AURKB: variants seen among roughly 807,000 people sequenced by gnomAD.
The protein encoded by AURKB is aurora kinase B-Sv1.
In AURKB, 28 loss-of-function variants were observed where a neutral mutation model predicts 36.5. That is an observed-to-expected ratio of 0.77 (90% confidence interval 0.57 to 1.05). The LOEUF is 1.05. Ranked by LOEUF, AURKB falls within the 50% of genes least tolerant of loss-of-function variation. The probability of loss-of-function intolerance (pLI) is 0.00; values close to 1 mark genes in which losing one functional copy is unlikely to be tolerated. For synonymous variants in AURKB, 175 were observed against 172.9 expected (o/e 1.01, Z -0.09); for missense variants, 383 against 447.4 (o/e 0.86, Z 1.30).
intron 2 of AURKB, chr17:8,208,068 GT>G (rs1985599587): frequency 2.5e-6 from 1 of 402,804 alleles, no homozygotes. Flanking sequence ...GGCTCCCGCA[GT>G]CAGGAGTTCA....
rs1272390478 is a variant in AURKB, at chr17:8,207,792, G to T, written c.97C>A (p.Pro33Thr). The T allele has an allele frequency of 3.1e-6, 5 of 1,614,004 alleles. No individual in the cohort carries two copies. The African/African-American group carries it at 5.3e-5, about 17-fold the overall frequency. ...TLPQRVLRKE[P>T]VTPSALVLMS... ...AGGACAAGTGCAGATGGGGTGACAG[G>T]CTCTTTCCGGAGGACTCGCTGGGGC... The change falls in exon 3 of 9, where the codon CCT becomes ACT. Residue 33 changes from proline (P) to threonine (T), a missense_variant. Around this residue, in one of 3 missense-constraint regions of AURKB, gnomAD observed 105 missense variants for 95.7 expected, o/e 1.10. Transcript: ENST00000585124.
At chr17:8,210,310 T>G in intron 1 of AURKB, 61 bp from the exon 2 acceptor site, 17 of 1,149,644 alleles carry the variant, frequency 1.5e-5, no homozygotes, top group Non-Finnish European at 1.8e-5. Flanking sequence ...AGGGAGGGGT[T>G]GGACCGATCG....
chr17:8,205,193 C>A (rs759252035), intron 8 of AURKB, 23 bp downstream of exon 8: 4 of 1,596,994 alleles, frequency 2.5e-6, no homozygotes, highest in East Asian at 2.2e-5. Flanking sequence ...GCAGCTGGCA[C>A]GAAGCCCAGG....
Position 8,206,615 on chromosome 17 carries a change from G to A in AURKB, c.562C>T (p.Leu188=). The change falls in exon 7 of 9, where the codon CTA becomes TTA. Residue 188 remains leucine, a synonymous_variant. Coordinates refer to ENST00000585124, the MANE Select transcript of AURKB (RefSeq NM_004217.4). The surrounding 1 kb of genome is among the most constrained non-coding windows in gnomAD (Gnocchi z 4.2). ...ATIMEELADA[L]MYCHGKKVIH... ...ACCTTCTTCCCATGGCAGTACATTA[G>A]AGCATCTGCCAACTCCTCCATGATC... is the stretch of plus-strand genomic sequence containing the variant. 1.2e-6 allele frequency: 2 copies of A among 1,614,184 alleles called. No individual in the cohort carries two copies. The highest frequency in any genetic ancestry group is 1.7e-6 in the Non-Finnish European group (2 of 1,180,046).
Position 8,210,199 on chromosome 17 carries a change from G to T in AURKB, c.26C>A (p.Pro9His), listed in dbSNP as rs148452780. ...TACCGTCTGTCGGCCGTAGGGCCAG[G>T]GGTAGGAGTTCTCCTTCTGGGCCAT... The part of the protein sequence containing the change: MAQKENSY[P>H]WPYGRQTAPS... Residue 9 changes from proline (P) to histidine (H), a missense_variant, in exon 2 of 9, where the codon CCC (proline) becomes CAC (histidine). This residue lies in a region of AURKB where 105 missense variants were observed against 95.7 expected (regional missense o/e 1.10). Transcript: ENST00000585124. The T allele has an allele frequency of 6.2e-7, 1 of 1,611,728 alleles. No homozygotes were observed. Among genetic ancestry groups the T allele is most frequent in the African/African-American group, 1.3e-5 (1 of 75,044 alleles).
rs1432292270 is a variant in AURKB at position 8,207,340 on chromosome 17, C to T, written c.234G>A (p.Glu78=). Residue 78 remains glutamate (E), a synonymous_variant, in exon 5 of 9, where the codon GAG becomes GAA. Coordinates refer to ENST00000585124, the MANE Select transcript of AURKB (RefSeq NM_004217.4). ...TGCCTTTGCCCAGAGGACGCCCAAT[C>T]TCAAAGTCATCAATTGTGAAGTGCC... is the stretch of plus-strand genomic sequence containing the variant. ...LTRHFTIDDF[E]IGRPLGKGKF... 6.2e-7 allele frequency: 1 copy of T among 1,614,134 alleles called. No homozygotes were observed. The highest frequency in any genetic ancestry group is 1.7e-5 in the Admixed American group (1 of 60,012).
At chr17:8,207,953 C>T (rs1166294349) in intron 2 of AURKB, 113 bp from the exon 3 acceptor site, 1 of 790,966 alleles carries the variant, frequency 1.3e-6, no homozygotes, top group Non-Finnish European at 2.0e-6. Context: ...CCACCTACCC[C>T]CAATTCAAAG....
intron 2 of AURKB, among the ~76,000 whole-genome samples, chr17:8,208,636 T>TAAA (rs1159436540): frequency 0.058 from 7,813 of 135,256 alleles, 377 homozygotes; most frequent in East Asian, 0.2. Context: ...AAATAAAAAA[T>TAAA]AAATAACCTA....
At position 8,204,752 on chromosome 17, in the gene AURKB, G is replaced by A; in HGVS notation, c.*119C>T. 1 of 1,361,482 alleles carries A rather than the reference G, an allele frequency of 7.3e-7. No individual in the cohort carries two copies. The highest frequency in any genetic ancestry group is 1.0e-6 in the Non-Finnish European group (1 of 982,486). 84.3% of individuals were successfully genotyped at this position (1,361,482 alleles called of 1,614,324 possible). On this transcript the variant is annotated 3_prime_UTR_variant, in exon 9 of 9. Coordinates refer to ENST00000585124, the MANE Select transcript of AURKB (RefSeq NM_004217.4). The stretch of plus-strand genomic sequence containing the variant: ...ACACTCATGAGTACAAAAAGCTTCA[G>A]CCTTTATTAAACAAAGGAGGAGGTA...
chr17:8,208,761 A>G (rs1231574569), intron 2 of AURKB, among the ~76,000 whole-genome samples: 1 of 152,154 alleles, frequency 6.6e-6, no homozygotes, highest in East Asian at 1.9e-4. Flanking sequence ...AGTCCTGTCC[A>G]TAACAACACA....
chr17:8,207,379 G>T lies in AURKB; in HGVS notation c.207-12C>A. 1 of 1,610,130 alleles carries T rather than the reference G, an allele frequency of 6.2e-7. No homozygotes were observed. Among genetic ancestry groups the T allele is most frequent in the Non-Finnish European group, 8.5e-7 (1 of 1,176,746 alleles). On this transcript the variant is annotated splice_polypyrimidine_tract_variant and intron_variant, in intron 4 of 8. Coordinates refer to ENST00000585124, the MANE Select transcript of AURKB (RefSeq NM_004217.4). The stretch of plus-strand genomic sequence containing the variant: ...TTGTGAAGTGCCGCCTGCTTAGAAA[G>T]TGGAGGAAGGCAACTCAGAACCGGT...
Position 8,206,595 on chromosome 17 carries a change from C to T in AURKB, c.582G>A (p.Lys194=). ...GCTTTATGTCTCTGTGAATCACCTT[C>T]TTCCCATGGCAGTACATTAGAGCAT... is the stretch of plus-strand genomic sequence containing the variant. ...LADALMYCHG[K]KVIHRDIKPE... The change falls in exon 7 of 9, where the codon AAG becomes AAA. Residue 194 remains lysine (K), a synonymous_variant. Transcript: ENST00000585124. This position sits in a 1 kb window ranked among gnomAD's most constrained non-coding sequence, Gnocchi z 4.2. The T allele has an allele frequency of 1.2e-6, 2 of 1,614,204 alleles. No homozygotes were observed. Among genetic ancestry groups the T allele is most frequent in the Non-Finnish European group, 1.7e-6 (2 of 1,180,024 alleles).
At chr17:8,210,452 C>G in intron 1 of AURKB, 78 bp downstream of exon 1, 2 of 561,064 alleles carry the variant, frequency 3.6e-6, no homozygotes, top group Non-Finnish European at 6.2e-6. Context: ...TGCGCGCAGG[C>G]CAGCCCAACG....
chr17:8,206,890 T>C lies in AURKB; in HGVS notation c.399-2A>G. On this transcript the variant is annotated splice_acceptor_variant, in intron 5 of 8. Coordinates refer to ENST00000585124, the MANE Select transcript of AURKB (RefSeq NM_004217.4). LOFTEE classifies it high-confidence loss of function. The surrounding 1 kb of genome is among the most constrained non-coding windows in gnomAD (Gnocchi z 4.2). ...TAGAGACGCAGGATGTTGGGATGGC[T>C]GGGGGAAGAGACAGAGGAGGCCTCA... The C allele has an allele frequency of 6.2e-7, 1 of 1,614,090 alleles. No individual in the cohort carries two copies. The highest frequency in any genetic ancestry group is 8.5e-7 in the Non-Finnish European group (1 of 1,180,022).
chr17:8,207,008 G>T, intron 5 of AURKB, 120 bp from the exon 6 acceptor site: 1 of 1,509,830 alleles, frequency 6.6e-7, no homozygotes. Flanking sequence ...GGAGTGGTAA[G>T]GGGAAACTGG....
intron 7 of AURKB, 145 bp from the exon 8 acceptor site, chr17:8,205,535 G>T: frequency 1.0e-6 from 1 of 994,948 alleles, no homozygotes. Context: ...TGGGGGTGGG[G>T]TTGGGGTGAT....
At chr17:8,207,549 C>T (rs373671572) in intron 4 of AURKB, 22 bp downstream of exon 4, 2 of 1,611,090 alleles carry the variant, frequency 1.2e-6, no homozygotes, top group East Asian at 4.5e-5. Context: ...CCCCCGTCCA[C>T]CCCCAGGCTT....
In AURKB at chr17:8,207,095, A is replaced by C. The variant is rs573362429; in HGVS notation, c.398+81T>G. On this transcript the variant is annotated intron_variant, in intron 5 of 8. Transcript: ENST00000585124. ...CACTAGCCATAGCTACAGAGAAAGC[A>C]ATCTGGATGAAGTGGGGCTGAATGA... 2.6e-6 allele frequency: 4 copies of C among 1,517,356 alleles called. No individual in the cohort carries two copies. The South Asian group carries it at 3.7e-5, about 14-fold the overall frequency. 94.0% of individuals were successfully genotyped at this position (1,517,356 alleles called of 1,614,324 possible). A position where few individuals can be genotyped will look rare whatever the true frequency, so the allele number is the denominator to read the frequency against.
rs1985309004 is a variant in AURKB, at chr17:8,206,546, T to C, written c.631A>G (p.Lys211Glu). Reference sequence around the variant, plus strand: ...AAGTCAGCAATCTTCAGCTCTCCCTTGAGCCCTAAGAGCAGATTTTCTGGC... The same window carrying C: ...AAGTCAGCAATCTTCAGCTCTCCCTCGAGCCCTAAGAGCAGATTTTCTGGC... ...IKPENLLLGL[K>E]GELKIADFGW... is the part of the protein sequence containing the mutation. Residue 211 changes from lysine (K) to glutamate (E), a missense_variant, in exon 7 of 9, where the codon AAG (lysine) becomes GAG (glutamate). By Grantham distance (56) the Lys-to-Glu change is moderately conservative. This residue lies in a region of AURKB where 219 missense variants were observed against 252.6 expected (regional missense o/e 0.87). Coordinates refer to ENST00000585124, the MANE Select transcript of AURKB (RefSeq NM_004217.4). This position sits in a 1 kb window ranked among gnomAD's most constrained non-coding sequence, Gnocchi z 4.2. 3 of 1,614,204 alleles carry C rather than the reference T, an allele frequency of 1.9e-6. No individual in the cohort carries two copies. Among genetic ancestry groups the C allele is most frequent in the Non-Finnish European group, 2.5e-6 (3 of 1,180,040 alleles).
Sources: gnomAD v4.1 joint callset for allele counts (sites outside exome capture counted in the v4.1 genomes callset) on GRCh38, gnomAD v4.1.1 for gene constraint, gnomAD v4.1.1 regional missense constraint, Gnocchi (gnomAD v3.1) non-coding constraint, MANE v1.5 for transcripts, NCBI Gene and HGNC (gene_info 2026-07-23, HGNC 2026-07-21) for gene names.